The following L3MBTL1 variants were observed in gnomAD, a reference collection of about 807,000 sequenced individuals.
L3MBTL1 encodes the protein lethal(3)malignant brain tumor-like protein 1.
A neutral mutation model predicts 105.3 loss-of-function variants in L3MBTL1; 75 were observed. That is an observed-to-expected ratio of 0.71 (90% confidence interval 0.59 to 0.86). L3MBTL1 has a LOEUF of 0.86. L3MBTL1 is among the 40% of genes least tolerant of loss of function. L3MBTL1 has a pLI of 0.00. For synonymous variants in L3MBTL1, 452 were observed against 436.2 expected, an observed-to-expected ratio of 1.04 and a Z score of -0.45; for missense variants, 1,069 against 1,126.4, an observed-to-expected ratio of 0.95 and a Z score of 0.73.
downstream of L3MBTL1, among the ~76,000 whole-genome samples, chr20:43,544,665 T>C (rs576001138): frequency 6.6e-6 from 1 of 152,134 alleles, no homozygotes; most frequent in African/African-American, 2.4e-5. Context: ...GTTCTCTGAA[T>C]GATAAGAACT....
exon 19 of L3MBTL1, chr20:43,548,161 G>T: frequency 1.5e-6 from 2 of 1,304,338 alleles, no homozygotes; most frequent in Non-Finnish European, 2.0e-6. Flanking sequence ...ACATTGTGAA[G>T]ATCATGAGCG....
downstream of L3MBTL1, among the ~76,000 whole-genome samples, chr20:43,545,625 G>T (rs1395736599): frequency 6.6e-6 from 1 of 152,200 alleles, no homozygotes; most frequent in Non-Finnish European, 1.5e-5. Context: ...AGGGGGAAAT[G>T]GGCTTATTCA....
intron 7 of L3MBTL1, among the ~76,000 whole-genome samples, chr20:43,525,761 G>C (rs1207817629): frequency 6.6e-6 from 1 of 151,938 alleles, no homozygotes; most frequent in Non-Finnish European, 1.5e-5. Flanking sequence ...CCGTGAAAGG[G>C]GTTACTATGA....
chr20:43,524,630 A>G (rs909722923), intron 7 of L3MBTL1, among the ~76,000 whole-genome samples: 1 of 152,162 alleles, frequency 6.6e-6, no homozygotes, highest in African/African-American at 2.4e-5. Context: ...CCATCCATCC[A>G]TCCTTATAGT....
At position 43,541,893 on chromosome 20, in the gene L3MBTL1, T is replaced by C; in HGVS notation, c.*765T>C. 1.0e-6 allele frequency: 1 copy of C among 985,462 alleles called. No homozygotes were observed. Among genetic ancestry groups the C allele is most frequent in the Non-Finnish European group, 1.2e-6 (1 of 829,938 alleles). The allele number at this position is 985,462 out of a possible 1,614,324, so 61.0% of individuals were successfully genotyped here. ...ACACAATAAACACCAGTTTTGACTT[T>C]TAGTGCATAGTTGTCCTTAAGTAAA... is the stretch of plus-strand genomic sequence containing the variant. On this transcript the variant is annotated 3_prime_UTR_variant, in exon 22 of 22. Transcript: ENST00000418998.
chr20:43,508,373 T>C (rs2018042694), intron 1 of L3MBTL1, among the ~76,000 whole-genome samples: 1 of 152,126 alleles, frequency 6.6e-6, no homozygotes, highest in South Asian at 2.1e-4. Context: ...TCAGGGCCGC[T>C]TCCGTCCCCT....
At chr20:43,535,511 G>T (rs575771310) in intron 16 of L3MBTL1, among the ~76,000 whole-genome samples, 1 of 152,340 alleles carries the variant, frequency 6.6e-6, no homozygotes, top group South Asian at 2.1e-4. Context: ...AGAACTGAGA[G>T]TGACATGAAT....
Position 43,522,350 on chromosome 20 carries a change from G to C in L3MBTL1, c.862+6173G>C, listed in dbSNP as rs145458461. ...AGTCTGGGCGACAGAGCAAAACTCC[G>C]TCTCAAAAAAATGATACAGAAAGAA... is the stretch of plus-strand genomic sequence containing the variant. On this transcript the variant is annotated intron_variant, in intron 7 of 21. Transcript: ENST00000418998. 9.5e-3 allele frequency among the ~76,000 whole-genome samples: 1,436 copies of C among 150,414 alleles called. 45 individuals carry two copies. In the South Asian group the frequency reaches 0.12, roughly 12 times the overall value.
chr20:43,533,295 A>G (rs2019434793), intron 12 of L3MBTL1, 47 bp from the exon 13 acceptor site: 2 of 1,567,062 alleles, frequency 1.3e-6, no homozygotes, highest in Non-Finnish European at 1.7e-6. Flanking sequence ...TGGCAGGCTC[A>G]GGGCCTCAAG....
downstream of L3MBTL1, among the ~76,000 whole-genome samples, chr20:43,542,158 C>T (rs546221980): frequency 3.9e-5 from 6 of 152,156 alleles, no homozygotes; most frequent in Non-Finnish European, 7.3e-5. Flanking sequence ...TGCAGTGAGC[C>T]GGGATTGCAC....
Position 43,536,166 on chromosome 20 carries a change from C to T in L3MBTL1, c.1995C>T (p.Leu665=). ...VTGKFTAHHC[L]SGCPLAERNQ... is the part of the protein sequence containing the mutation. The stretch of plus-strand genomic sequence containing the variant: ...GCAAGTTCACAGCTCACCATTGCCT[C>T]TCAGGCTGCCCACTGGCTGAGAGGA... The change falls in exon 18 of 22, where the codon CTC becomes CTT. Residue 665 remains leucine (L), a synonymous_variant. Coordinates refer to ENST00000418998, the MANE Select transcript of L3MBTL1 (RefSeq NM_001377303.1). 6.2e-7 allele frequency: 1 copy of T among 1,613,784 alleles called. No homozygotes were observed. Among genetic ancestry groups the T allele is most frequent in the Non-Finnish European group, 8.5e-7 (1 of 1,180,016 alleles).
At chr20:43,531,031 G>A in intron 11 of L3MBTL1, 142 bp downstream of exon 11, 2 of 688,402 alleles carry the variant, frequency 2.9e-6, no homozygotes, top group Non-Finnish European at 4.9e-6. Context: ...CAGATGGGAG[G>A]GGTACAGCTG....
chr20:43,520,062 A>G lies in L3MBTL1; in HGVS notation c.862+3885A>G, dbSNP rs1406462439. ...TTCCATCACTCCCAAAAGAAGTCCTATATATCTATTAGCCATCATTCCCCC... is the reference window on the plus strand; with the variant it reads ...TTCCATCACTCCCAAAAGAAGTCCTGTATATCTATTAGCCATCATTCCCCC... On this transcript the variant is annotated intron_variant, in intron 7 of 21. Coordinates refer to ENST00000418998, the MANE Select transcript of L3MBTL1 (RefSeq NM_001377303.1). Among the ~76,000 whole-genome samples the G allele has an allele frequency of 3.9e-5, 6 of 152,220 alleles. No individual in the cohort carries two copies. The South Asian group carries it at 1.2e-3, about 32-fold the overall frequency.
chr20:43,541,351 T>G lies in L3MBTL1; in HGVS notation c.*223T>G, dbSNP rs2019907415. 1 of 783,946 alleles carries G rather than the reference T, an allele frequency of 1.3e-6. No homozygotes were observed. Among genetic ancestry groups the G allele is most frequent in the East Asian group, 3.1e-5 (1 of 32,032 alleles). 48.6% of individuals were successfully genotyped at this position (783,946 alleles called of 1,614,324 possible). On this transcript the variant is annotated 3_prime_UTR_variant, in exon 22 of 22. Transcript: ENST00000418998. ...TGTTTACTGTCTCTGAGCCTACATC[T>G]TCTTGTCTGTAAAATGGAGATAAAA...
At chr20:43,533,698 A>G (rs550523546) in intron 13 of L3MBTL1, among the ~76,000 whole-genome samples, 1 of 152,368 alleles carries the variant, frequency 6.6e-6, no homozygotes, top group African/African-American at 2.4e-5. Flanking sequence ...TGAGTCCTTC[A>G]TCCTGGGAGT....
intron 7 of L3MBTL1, among the ~76,000 whole-genome samples, chr20:43,518,009 G>T (rs1364229524): frequency 6.6e-6 from 1 of 152,138 alleles, no homozygotes; most frequent in Non-Finnish European, 1.5e-5. Context: ...ACTCCTGTGG[G>T]CTCAACTACT....
intron 7 of L3MBTL1, among the ~76,000 whole-genome samples, chr20:43,524,583 G>A (rs1181612042): frequency 1.3e-5 from 2 of 151,750 alleles, no homozygotes; most frequent in Non-Finnish European, 2.9e-5. Context: ...GGTTCCATGG[G>A]GTAGATGGGA....
At chr20:43,537,049 G>A (rs1480051246) in intron 19 of L3MBTL1, among the ~76,000 whole-genome samples, 1 of 152,222 alleles carries the variant, frequency 6.6e-6, no homozygotes, top group African/African-American at 2.4e-5. Context: ...GAGTCTCAGA[G>A]GGTGATGTCA....
chr20:43,532,862 C>T lies in L3MBTL1; in HGVS notation c.1374C>T (p.Thr458=), dbSNP rs576853992. 4.2e-5 allele frequency: 68 copies of T among 1,613,990 alleles called. No individual in the cohort carries two copies. The highest frequency in any genetic ancestry group is 1.3e-4 in the East Asian group (6 of 44,884). Residue 458 remains threonine, a synonymous_variant, in exon 12 of 22, where the codon ACC becomes ACT. Coordinates refer to ENST00000418998, the MANE Select transcript of L3MBTL1 (RefSeq NM_001377303.1). The part of the protein sequence containing the change: ...NPSLVCVASV[T]DVVDSRFLVH... Reference sequence around the variant, plus strand: ...CCCTTGTCTGCGTGGCCAGTGTGACCGATGTGGTGGACAGCCGCTTCCTGG... The same window carrying T: ...CCCTTGTCTGCGTGGCCAGTGTGACTGATGTGGTGGACAGCCGCTTCCTGG...
Sources: gnomAD v4.1 joint callset for allele counts (sites outside exome capture counted in the v4.1 genomes callset) on GRCh38, gnomAD v4.1.1 for gene constraint, MANE v1.5 for transcripts, NCBI Gene and HGNC (gene_info 2026-07-23, HGNC 2026-07-21) for gene names.